Variants in CASK observed in about 807,000 individuals in gnomAD.
CASK encodes calcium/calmodulin dependent serine protein kinase, also known as peripheral plasma membrane protein CASK.
Under a neutral mutation model 82.9 loss-of-function variants are expected in CASK, and 4 were observed. The ratio of observed to expected loss-of-function variants is 0.05; its 90% CI spans 0.02 to 0.11. The LOEUF (loss-of-function observed/expected upper bound fraction) is 0.11, where lower values mean the gene tolerates loss of function less well. Ranked by LOEUF, CASK falls within the 10% of genes least tolerant of loss-of-function variation. The probability of loss-of-function intolerance (pLI) is 1.00; values close to 1 mark genes in which losing one functional copy is unlikely to be tolerated. For missense variants in CASK, 358 were observed against 720.9 expected (o/e 0.50, Z 5.76); for synonymous variants, 259 against 253.5 (o/e 1.02, Z -0.20).
At chrX:41,906,787 T>C (rs908272768) in intron 1 of CASK, among the ~76,000 whole-genome samples, 1 of 113,052 alleles carries the variant, frequency 8.8e-6, no homozygotes, top group Non-Finnish European at 1.9e-5. Context: ...TTCATGTGGG[T>C]GGCTATTGTG....
chrX:41,767,952 C>T (rs1233177605), intron 3 of CASK, among the ~76,000 whole-genome samples: 4 of 112,085 alleles, frequency 3.6e-5, no homozygotes, highest in African/African-American at 6.5e-5. Flanking sequence ...GTCCAACCTA[C>T]ACTCAAGGGT....
chrX:41,676,522 C>T, intron 5 of CASK: 1 of 1,160,986 alleles, frequency 8.6e-7, no homozygotes, highest in Non-Finnish European at 1.2e-6. Flanking sequence ...GTGGGCTCCC[C>T]TCGCGCCGGC....
intron 26 of CASK, among the ~76,000 whole-genome samples, chrX:41,522,555 C>A (rs2064652537): frequency 8.9e-6 from 1 of 111,807 alleles, no homozygotes; most frequent in Admixed American, 9.5e-5. Context: ...TGCATTCACC[C>A]AAAGACAGGA....
intron 7 of CASK, 49 bp downstream of exon 7, chrX:41,665,228 C>A: frequency 9.3e-7 from 1 of 1,074,210 alleles, no homozygotes. Context: ...AAACATTTTT[C>A]AGGATAAATT....
At chrX:41,887,296 C>CCA (rs3055225) in intron 1 of CASK, among the ~76,000 whole-genome samples, 10,968 of 83,312 alleles carry the variant, frequency 0.13, 746 homozygotes, top group Middle Eastern at 0.18. Context: ...CTAGTTGAGT[C>CCA]CACACACACA....
intron 5 of CASK, among the ~76,000 whole-genome samples, chrX:41,736,157 T>C (rs772554031): frequency 2.0e-4 from 23 of 112,261 alleles, no homozygotes; most frequent in Non-Finnish European, 4.1e-4. Flanking sequence ...GTGAGTATTC[T>C]ATTCACCCAT....
intron 1 of CASK, among the ~76,000 whole-genome samples, chrX:41,862,011 G>C (rs1150384): frequency 1.9e-5 from 2 of 104,286 alleles, no homozygotes; most frequent in Non-Finnish European, 3.9e-5. Flanking sequence ...GTATACATAC[G>C]TTATATATAA....
chrX:41,766,412 TAAAA>T (rs891994921), intron 3 of CASK, among the ~76,000 whole-genome samples: 1 of 112,283 alleles, frequency 8.9e-6, no homozygotes, highest in African/African-American at 3.2e-5. Flanking sequence ...CTTTCTCACT[TAAAA>T]AAACTTTATA....
At chrX:41,807,492 C>G (rs1432018798) in intron 2 of CASK, among the ~76,000 whole-genome samples, 5 of 111,902 alleles carry the variant, frequency 4.5e-5, no homozygotes, top group African/African-American at 1.6e-4. Context: ...ACACTTAGTA[C>G]TGAAGCTGAT....
intron 1 of CASK, among the ~76,000 whole-genome samples, chrX:41,911,720 C>G (rs1269953570): frequency 8.9e-6 from 1 of 111,805 alleles, no homozygotes; most frequent in Non-Finnish European, 1.9e-5. Context: ...TGTCTAAATG[C>G]AAACATAAGA....
chrX:41,841,512 T>G (rs1256221709), intron 2 of CASK, among the ~76,000 whole-genome samples: 8 of 84,685 alleles, frequency 9.4e-5, no homozygotes, highest in Admixed American at 2.8e-4. Context: ...TTCCTTTTTG[T>G]TTTTTTTTTT....
At position 41,808,204 on chromosome X, in the gene CASK, A is replaced by C. The variant is rs1431488535; in HGVS notation, c.173-20921T>G. 2.7e-5 allele frequency among the ~76,000 whole-genome samples: 3 copies of C among 112,068 alleles called. No individual in the cohort carries two copies. The East Asian group carries it at 8.4e-4, about 31-fold the overall frequency. On this transcript the variant is annotated intron_variant, in intron 2 of 26. Coordinates refer to ENST00000378163, the MANE Select transcript of CASK (RefSeq NM_001367721.1). ...CCCAATACTGTTACAACGGCAATTA[A>C]ATTTCAACATGAGTTTTGGCAGGGA... is the stretch of plus-strand genomic sequence containing the variant.
rs1464303789 is a variant in CASK at position 41,923,080 on chromosome X, C to A, written c.-92G>T. The A allele has an allele frequency of 1.6e-4, 134 of 843,200 alleles. No individual in the cohort carries two copies. The highest frequency in any genetic ancestry group is 1.8e-4 in the Non-Finnish European group (105 of 573,036). 69.5% of individuals were successfully genotyped at this position (843,200 alleles called of 1,213,427 possible). ...TCAGTGCCCAGCCCCGGGATCGCCTCCTCCCCTCAGGACCCGCGAGCCCTC... is the reference window on the plus strand; with the variant it reads ...TCAGTGCCCAGCCCCGGGATCGCCTACTCCCCTCAGGACCCGCGAGCCCTC... On this transcript the variant is annotated 5_prime_UTR_variant, in exon 1 of 27. Coordinates refer to ENST00000378163, the MANE Select transcript of CASK (RefSeq NM_001367721.1).
At chrX:41,914,287 A>G (rs904373744) in intron 1 of CASK, among the ~76,000 whole-genome samples, 7 of 112,411 alleles carry the variant, frequency 6.2e-5, no homozygotes, top group African/African-American at 2.3e-4. Context: ...ACTCAAAACA[A>G]TGATTACAAA....
chrX:41,777,950 T>C (rs1174602990), intron 3 of CASK, among the ~76,000 whole-genome samples: 1 of 111,525 alleles, frequency 9.0e-6, no homozygotes, highest in Non-Finnish European at 1.9e-5. Context: ...TTATTTCTAA[T>C]AGGGAAAAAC....
At chrX:41,695,719 A>G (rs755428921) in intron 5 of CASK, 1 of 1,206,424 alleles carries the variant, frequency 8.3e-7, no homozygotes, top group Non-Finnish European at 1.1e-6. Flanking sequence ...ATAACCAATC[A>G]TAGCGACCAA....
chrX:41,817,282 T>G (rs946679335), intron 2 of CASK, among the ~76,000 whole-genome samples: 37 of 111,988 alleles, frequency 3.3e-4, no homozygotes, highest in African/African-American at 1.2e-3. Context: ...TGGTAAACAA[T>G]CTAATGTTTT....
At chrX:41,671,772 A>G (rs2067200214) in intron 5 of CASK, among the ~76,000 whole-genome samples, 1 of 112,266 alleles carries the variant, frequency 8.9e-6, no homozygotes, top group African/African-American at 3.2e-5. Flanking sequence ...GTAAGGTTAG[A>G]GTACAGTGCT....
At chrX:41,544,576 A>AAC (rs1555977707) in intron 21 of CASK, among the ~76,000 whole-genome samples, 39 of 106,598 alleles carry the variant, frequency 3.7e-4, no homozygotes, top group African/African-American at 1.4e-3. Context: ...AAAAAAAAAA[A>AAC]AAAAAAAAAA....
Sources: gnomAD v4.1 joint callset for allele counts (sites outside exome capture counted in the v4.1 genomes callset) on GRCh38, gnomAD v4.1.1 for gene constraint, MANE v1.5 for transcripts, NCBI Gene and HGNC (gene_info 2026-07-23, HGNC 2026-07-21) for gene names.